The following RYR3 variants were observed in gnomAD, a reference collection of about 807,000 sequenced individuals.
The protein encoded by RYR3 is brain ryanodine receptor-calcium release channel.
Under a neutral mutation model 584.3 loss-of-function variants are expected in RYR3, and 207 were observed. That is an observed-to-expected ratio of 0.35 (90% CI 0.32 to 0.40). The LOEUF (loss-of-function observed/expected upper bound fraction) is 0.40. Ranked by LOEUF, RYR3 falls within the 10% of genes least tolerant of loss-of-function variation. The pLI is 1.00. For missense variants in RYR3, 5,616 were observed against 6,089.2 expected (o/e 0.92, Z 2.59); for synonymous variants, 2,416 against 2,248.5 (o/e 1.07, Z -2.11).
rs539591806 is a variant in RYR3, at chr15:33,751,591, T to C, written c.8399+1305T>C. Reference sequence around the variant, plus strand: ...AGTTTTTGATGAGGTTTTTTTTTTTTTCTTGTAAATTTAAGTTCCTTGTAG... The same window carrying C: ...AGTTTTTGATGAGGTTTTTTTTTTTCTCTTGTAAATTTAAGTTCCTTGTAG... On this transcript the variant is annotated intron_variant, in intron 57 of 103. Coordinates refer to ENST00000634891, the MANE Select transcript of RYR3 (RefSeq NM_001036.6). Among the ~76,000 whole-genome samples, 338 of 151,956 alleles carry C rather than the reference T, an allele frequency of 2.2e-3. 2 individuals carry two copies. Among genetic ancestry groups the C allele is most frequent in the African/African-American group, 7.9e-3 (326 of 41,448 alleles).
intron 1 of RYR3, among the ~76,000 whole-genome samples, chr15:33,338,683 C>A (rs1193302951): frequency 1.3e-5 from 2 of 152,218 alleles, no homozygotes; most frequent in Non-Finnish European, 2.9e-5. Flanking sequence ...ACCCAGTTCC[C>A]AGCTTGACTT....
At chr15:33,460,968 G>A (rs1010646522) in intron 1 of RYR3, among the ~76,000 whole-genome samples, 9 of 43,694 alleles carry the variant, frequency 2.1e-4, no homozygotes, top group Admixed American at 4.7e-4. Context: ...TTTTTAAGAC[G>A]GAGTCTCGCT....
In RYR3 at chr15:33,581,548, A is replaced by G. The variant is rs938667455; in HGVS notation, c.1478A>G (p.Asn493Ser). The part of the protein sequence containing the change: ...ALVLNCIDRL[N>S]VYNSVAHFAG... The stretch of plus-strand genomic sequence containing the variant: ...GTCTTAAATTGCATTGACCGCTTAA[A>G]TGTCTACAATAGCGTAGCACACTTT... The change falls in exon 14 of 104, where the codon AAT becomes AGT. Residue 493 changes from asparagine to serine, a missense_variant. By Grantham distance (46) the Asn-to-Ser change is conservative. Coordinates refer to ENST00000634891, the MANE Select transcript of RYR3 (RefSeq NM_001036.6). 1 of 1,613,676 alleles carries G rather than the reference A, an allele frequency of 6.2e-7. No homozygotes were observed. Among genetic ancestry groups the G allele is most frequent in the Non-Finnish European group, 8.5e-7 (1 of 1,179,582 alleles).
intron 97 of RYR3, 144 bp downstream of exon 97, chr15:33,854,593 A>G (rs1567331574): frequency 1.9e-6 from 2 of 1,054,682 alleles, no homozygotes. Flanking sequence ...GAACACTTAT[A>G]CAATGGTATA....
chr15:33,359,816 TTTCACTGTG>T (rs1282677767), intron 1 of RYR3, among the ~76,000 whole-genome samples: 2 of 151,624 alleles, frequency 1.3e-5, no homozygotes, highest in Non-Finnish European at 2.9e-5. Flanking sequence ...GGAGACGGGG[TTTCACTGTG>T]TTAGCCAGGA....
chr15:33,572,360 T>A (rs2058068634), intron 12 of RYR3, among the ~76,000 whole-genome samples: 1 of 152,074 alleles, frequency 6.6e-6, no homozygotes, highest in African/African-American at 2.4e-5. Context: ...GACAAGCCTG[T>A]GACTATTTGC....
chr15:33,862,778 TTTTTGTATTTTTAGTA>T (rs1372927230), intron 102 of RYR3, among the ~76,000 whole-genome samples: 9 of 152,054 alleles, frequency 5.9e-5, no homozygotes, highest in Non-Finnish European at 7.4e-5. Context: ...CCTGGGCTAA[TTTTTGTATTTTTAGTA>T]GAGACAGGGT....
chr15:33,456,337 CACTG>C (rs1161645339), intron 1 of RYR3, among the ~76,000 whole-genome samples: 3 of 152,218 alleles, frequency 2.0e-5, no homozygotes, highest in Admixed American at 6.5e-5. Flanking sequence ...AGTTAATGGA[CACTG>C]ACTGTTTGTA....
At position 33,790,773 on chromosome 15, in the gene RYR3, A is replaced by T. The variant is rs143637948; in HGVS notation, c.9830+2315A>T. Among the ~76,000 whole-genome samples the T allele has an allele frequency of 7.9e-5, 12 of 152,328 alleles. No homozygotes were observed. In the East Asian group the frequency reaches 2.3e-3, roughly 29 times the overall value. On this transcript the variant is annotated intron_variant, in intron 67 of 103. Transcript: ENST00000634891. ...AAGTAAAGGATTGAGGAAGAGACAG[A>T]AGAGTTCCTCAGTACTAAGAGGTCA...
chr15:33,469,006 C>G (rs914319491), intron 1 of RYR3, among the ~76,000 whole-genome samples: 1 of 152,164 alleles, frequency 6.6e-6, no homozygotes, highest in Non-Finnish European at 1.5e-5. Context: ...TAAATGGGTT[C>G]TTGTGCGTAA....
intron 40 of RYR3, 83 bp from the exon 41 acceptor site, chr15:33,699,621 C>A (rs2066147051): frequency 7.8e-7 from 1 of 1,284,172 alleles, no homozygotes; most frequent in Non-Finnish European, 1.1e-6. Flanking sequence ...CACACTTTAC[C>A]CACTTAAGAC....
intron 1 of RYR3, among the ~76,000 whole-genome samples, chr15:33,451,973 A>G (rs1456846636): frequency 1.3e-5 from 2 of 152,252 alleles, no homozygotes; most frequent in Admixed American, 6.5e-5. Context: ...TTAAATCACA[A>G]TCACAGACTT....
At chr15:33,367,361 C>T (rs77293193) in intron 1 of RYR3, among the ~76,000 whole-genome samples, 6,051 of 152,254 alleles carry the variant, frequency 0.04, 163 homozygotes, top group Non-Finnish European at 0.062. Context: ...CTGCTCTTGC[C>T]CATTTTCTCC....
intron 6 of RYR3, 134 bp from the exon 7 acceptor site, chr15:33,540,657 C>T (rs1374176300): frequency 1.7e-6 from 1 of 596,120 alleles, no homozygotes; most frequent in Non-Finnish European, 3.0e-6. Context: ...GTGGAGAAAT[C>T]TCCCACAGGC....
intron 102 of RYR3, 99 bp from the exon 103 acceptor site, chr15:33,864,039 G>C (rs1889508483): frequency 1.2e-6 from 1 of 803,232 alleles, no homozygotes; most frequent in Non-Finnish European, 2.1e-6. Flanking sequence ...TAGATAGCGT[G>C]GGACCAACTA....
chr15:33,493,791 A>G (rs2051178614), intron 2 of RYR3, among the ~76,000 whole-genome samples: 1 of 152,166 alleles, frequency 6.6e-6, no homozygotes, highest in Middle Eastern at 3.2e-3. Flanking sequence ...GCACCACCAA[A>G]AGAATAATTA....
chr15:33,678,499 A>G (rs921499776), intron 38 of RYR3, among the ~76,000 whole-genome samples: 22 of 152,194 alleles, frequency 1.4e-4, no homozygotes, highest in Non-Finnish European at 1.5e-5. Flanking sequence ...TTGTGAGTCA[A>G]TTAAACCTCT....
chr15:33,359,898 G>A (rs1300216518), intron 1 of RYR3, among the ~76,000 whole-genome samples: 1 of 151,844 alleles, frequency 6.6e-6, no homozygotes, highest in Non-Finnish European at 1.5e-5. Context: ...TGGGATTATA[G>A]GCGTGAGCCA....
Position 33,662,914 on chromosome 15 carries a change from T to C in RYR3, c.5384T>C (p.Leu1795Ser). 6.2e-7 allele frequency: 1 copy of C among 1,613,184 alleles called. No homozygotes were observed. Among genetic ancestry groups the C allele is most frequent in the Non-Finnish European group, 8.5e-7 (1 of 1,179,830 alleles). ...AAGGAGGCTCCTGTCAAAGGCTTGT[T>C]GCAGACTCGATTACCCGAATCCGTC... ...AGKEAPVKGL[L>S]QTRLPESVKL... The change falls in exon 35 of 104, where the codon TTG (leucine) becomes TCG (serine). Residue 1795 changes from leucine (L) to serine (S), a missense_variant. Around this residue, in one of 9 missense-constraint regions of RYR3, gnomAD observed 753 missense variants for 741.0 expected, o/e 1.02. Coordinates refer to ENST00000634891, the MANE Select transcript of RYR3 (RefSeq NM_001036.6).
Sources: gnomAD v4.1 joint callset for allele counts (sites outside exome capture counted in the v4.1 genomes callset) on GRCh38, gnomAD v4.1.1 for gene constraint, gnomAD v4.1.1 regional missense constraint, MANE v1.5 for transcripts, NCBI Gene and HGNC (gene_info 2026-07-23, HGNC 2026-07-21) for gene names.